SPAG6: variants seen among roughly 807,000 people sequenced by gnomAD.
SPAG6 encodes the protein sperm associated antigen 6.
Under a neutral mutation model 58.5 loss-of-function variants are expected in SPAG6, and 49 were observed. The ratio of observed to expected loss-of-function variants is 0.84; its 90% CI spans 0.67 to 1.06. The LOEUF (loss-of-function observed/expected upper bound fraction) is 1.06. Ranked by LOEUF, SPAG6 falls within the 50% of genes least tolerant of loss-of-function variation. The pLI is 0.00. For synonymous variants in SPAG6, 233 were observed against 225.6 expected, an observed-to-expected ratio of 1.03 and a Z score of -0.29; for missense variants, 560 against 611.3, an observed-to-expected ratio of 0.92 and a Z score of 0.89.
intron 9 of SPAG6, among the ~76,000 whole-genome samples, chr10:22,404,551 G>T (rs1254181429): frequency 9.3e-6 from 1 of 107,628 alleles, no homozygotes; most frequent in Non-Finnish European, 1.9e-5. Context: ...TTGTAGTATA[G>T]TTTGAAGTCA....
chr10:22,391,974 A>C, intron 8 of SPAG6, 54 bp downstream of exon 8: 1 of 1,162,420 alleles, frequency 8.6e-7, no homozygotes, highest in South Asian at 1.4e-5. Context: ...AAAATATGTC[A>C]TTTCAAATCT....
chr10:22,395,539 G>A (rs561553468), intron 8 of SPAG6, among the ~76,000 whole-genome samples: 4 of 152,274 alleles, frequency 2.6e-5, no homozygotes, highest in Admixed American at 1.3e-4. Context: ...TTAGAGAGAT[G>A]TCTATTCAGA....
intron 2 of SPAG6, chr10:22,361,008 G>A: frequency 1.6e-6 from 1 of 607,958 alleles, no homozygotes; most frequent in Admixed American, 2.8e-5. Flanking sequence ...TTTAATATGT[G>A]TAAGAGGTAA....
At chr10:22,356,160 G>A (rs1200896528) in intron 2 of SPAG6, among the ~76,000 whole-genome samples, 4 of 152,282 alleles carry the variant, frequency 2.6e-5, no homozygotes, top group African/African-American at 9.6e-5. Flanking sequence ...GTCACTTGAA[G>A]AATAGAAAAG....
intron 9 of SPAG6, among the ~76,000 whole-genome samples, chr10:22,408,895 T>G (rs1001011484): frequency 3.9e-5 from 6 of 152,156 alleles, no homozygotes; most frequent in African/African-American, 1.4e-4. Flanking sequence ...AGTGACCCGA[T>G]TTTCCAGGTG....
intron 10 of SPAG6, among the ~76,000 whole-genome samples, chr10:22,413,708 T>TATATATATATATATATATA (rs1564384103): frequency 2.7e-5 from 4 of 150,872 alleles, no homozygotes; most frequent in African/African-American, 9.9e-5. Flanking sequence ...TATATATATA[T>TATATATATATATATATATA]TTCACCCACA....
Position 22,416,703 on chromosome 10 carries a change from T to C in SPAG6, c.*15T>C. On this transcript the variant is annotated 3_prime_UTR_variant, in exon 11 of 11. Transcript: ENST00000376624. Reference sequence around the variant, plus strand: ...TTAATAACTGAGCAAAGTTATATTGTGATACTCAAATTCACAGCAGAGTAG... The same window carrying C: ...TTAATAACTGAGCAAAGTTATATTGCGATACTCAAATTCACAGCAGAGTAG... 2 of 1,525,598 alleles carry C rather than the reference T, an allele frequency of 1.3e-6. No individual in the cohort carries two copies. Among genetic ancestry groups the C allele is most frequent in the Non-Finnish European group, 1.8e-6 (2 of 1,101,414 alleles). 94.5% of individuals were successfully genotyped at this position (1,525,598 alleles called of 1,614,324 possible).
At chr10:22,406,524 G>C (rs984716634) in intron 9 of SPAG6, among the ~76,000 whole-genome samples, 6 of 151,948 alleles carry the variant, frequency 3.9e-5, no homozygotes, top group East Asian at 1.9e-4. Context: ...AATTTCTGTT[G>C]TTTTACATTT....
chr10:22,354,120 C>A (rs1836803405), intron 2 of SPAG6, among the ~76,000 whole-genome samples: 1 of 152,176 alleles, frequency 6.6e-6, no homozygotes, highest in Admixed American at 6.5e-5. Flanking sequence ...TTGGAAGAGT[C>A]ATGGGATCCA....
intron 2 of SPAG6, chr10:22,360,789 C>G: frequency 6.5e-7 from 1 of 1,532,552 alleles, no homozygotes; most frequent in Non-Finnish European, 8.7e-7. Flanking sequence ...GGCAACTATT[C>G]AGACTGCTTT....
intron 9 of SPAG6, among the ~76,000 whole-genome samples, chr10:22,408,981 C>T (rs948076871): frequency 4.6e-5 from 7 of 151,346 alleles, no homozygotes; most frequent in South Asian, 2.1e-4. Context: ...GGCAATGCCT[C>T]GCCCTGCTTC....
At chr10:22,346,681 G>A (rs1836567988) in intron 2 of SPAG6, among the ~76,000 whole-genome samples, 1 of 152,022 alleles carries the variant, frequency 6.6e-6, no homozygotes, top group Non-Finnish European at 1.5e-5. Flanking sequence ...CAATTAACAT[G>A]TTGACAGCAA....
Position 22,397,756 on chromosome 10 carries a change from C to T in SPAG6, c.1198-3405C>T, listed in dbSNP as rs563134992. Among the ~76,000 whole-genome samples, 70 of 152,116 alleles carry T rather than the reference C, an allele frequency of 4.6e-4. 1 individual carries two copies. The highest frequency in any genetic ancestry group is 2.9e-4 in the Non-Finnish European group (20 of 67,992). On this transcript the variant is annotated intron_variant, in intron 8 of 10. Transcript: ENST00000376624. Reference sequence around the variant, plus strand: ...GACTAGTACACTGAAAACTATAAAACATTACTTAAAAAATAAATTATGAGA... The same window carrying T: ...GACTAGTACACTGAAAACTATAAAATATTACTTAAAAAATAAATTATGAGA...
intron 8 of SPAG6, among the ~76,000 whole-genome samples, chr10:22,396,923 A>G (rs1400570072): frequency 1.3e-5 from 2 of 152,224 alleles, no homozygotes; most frequent in Admixed American, 6.5e-5. Flanking sequence ...CTAAGGATAA[A>G]CATTAACTAC....
intron 10 of SPAG6, among the ~76,000 whole-genome samples, chr10:22,415,907 A>G (rs1293879104): frequency 1.3e-5 from 2 of 152,128 alleles, no homozygotes; most frequent in African/African-American, 4.8e-5. Flanking sequence ...TCCATGACGT[A>G]TTAAGCATCT....
intron 4 of SPAG6, among the ~76,000 whole-genome samples, chr10:22,383,218 A>G (rs1833996330): frequency 6.6e-6 from 1 of 152,214 alleles, no homozygotes; most frequent in African/African-American, 2.4e-5. Context: ...TGATAATTGG[A>G]CATCTAAAAA....
intron 4 of SPAG6, among the ~76,000 whole-genome samples, chr10:22,385,466 A>C (rs1187892450): frequency 6.6e-6 from 1 of 152,198 alleles, no homozygotes; most frequent in Non-Finnish European, 1.5e-5. Context: ...TTTACACCAA[A>C]TTTTAAAAAT....
chr10:22,383,324 C>T (rs1833999155), intron 4 of SPAG6, among the ~76,000 whole-genome samples: 1 of 152,076 alleles, frequency 6.6e-6, no homozygotes, highest in Non-Finnish European at 1.5e-5. Flanking sequence ...GTTTTGGTTG[C>T]TGCTGGTTTT....
At chr10:22,398,606 G>A (rs969947836) in intron 8 of SPAG6, among the ~76,000 whole-genome samples, 3 of 152,146 alleles carry the variant, frequency 2.0e-5, no homozygotes, top group Admixed American at 2.0e-4. Context: ...GTACATCCCT[G>A]TAGTCCTAGC....
Sources: allele counts gnomAD v4.1 joint callset (sites outside exome capture counted in the v4.1 genomes callset), GRCh38; gene constraint gnomAD v4.1.1; transcripts MANE v1.5; gene names NCBI Gene and HGNC (gene_info 2026-07-23, HGNC 2026-07-21).